The following ATP2B1 variants were observed in gnomAD, a reference collection of about 807,000 sequenced individuals.
The protein encoded by ATP2B1 is plasma membrane calcium-transporting ATPase 1.
A neutral mutation model predicts 124.2 loss-of-function variants in ATP2B1; 14 were observed. The observed-to-expected ratio is 0.11, with a 90% confidence interval of 0.07 to 0.18. ATP2B1 has a LOEUF of 0.18. Ranked by LOEUF, ATP2B1 falls within the 10% of genes least tolerant of loss-of-function variation. ATP2B1 has a pLI of 1.00. For missense variants in ATP2B1, 763 were observed against 1,466.1 expected, an observed-to-expected ratio of 0.52 and a Z score of 7.83; for synonymous variants, 449 against 492.4, an observed-to-expected ratio of 0.91 and a Z score of 1.17.
chr12:89,681,984 T>A (rs551997518), intron 1 of ATP2B1, among the ~76,000 whole-genome samples: 1 of 152,120 alleles, frequency 6.6e-6, no homozygotes, highest in Non-Finnish European at 1.5e-5. Context: ...GATGACATAA[T>A]AGTAGACCTT....
At chr12:89,592,796 C>T (rs926507964) in intron 20 of ATP2B1, among the ~76,000 whole-genome samples, 1 of 152,002 alleles carries the variant, frequency 6.6e-6, no homozygotes, top group African/African-American at 2.4e-5. Context: ...TCACAAGTAT[C>T]GAGGCCAGGG....
chr12:89,617,620 C>T (rs950264247), intron 11 of ATP2B1, among the ~76,000 whole-genome samples: 1 of 152,122 alleles, frequency 6.6e-6, no homozygotes, highest in African/African-American at 2.4e-5. Flanking sequence ...AAAAATCATA[C>T]TATATACCTA....
rs961521041 is a variant in ATP2B1 at position 89,624,474 on chromosome 12, A to C, written c.1130-77T>G. 5.9e-6 allele frequency: 7 copies of C among 1,189,496 alleles called. No homozygotes were observed. In the South Asian group the frequency reaches 8.9e-5, roughly 15 times the overall value. The allele number at this position is 1,189,496 out of a possible 1,614,324, so 73.7% of individuals were successfully genotyped here. ...AACCCTTGCCAGATATAAATTAAACACTGTAAAGAGTTATAACTTGCTTGA... is the reference window on the plus strand; with the variant it reads ...AACCCTTGCCAGATATAAATTAAACCCTGTAAAGAGTTATAACTTGCTTGA... On this transcript the variant is annotated intron_variant, in intron 8 of 20. Coordinates refer to ENST00000428670, the MANE Select transcript of ATP2B1 (RefSeq NM_001366521.1).
chr12:89,672,598 C>G (rs1888133164), intron 1 of ATP2B1, among the ~76,000 whole-genome samples: 1 of 152,138 alleles, frequency 6.6e-6, no homozygotes, highest in South Asian at 2.1e-4. Flanking sequence ...TCTTGCCTTC[C>G]GTGTACAATT....
chr12:89,604,185 A>C lies in ATP2B1; in HGVS notation c.2604T>G (p.Ile868Met). ...FQLTVNVVAVIVAFTGACITQ... is the reference protein window; with the variant it reads ...FQLTVNVVAVMVAFTGACITQ... Reference sequence around the variant, plus strand: ...TAATGCAGGCGCCCGTAAAAGCAACAATCACTGCTACTACATTAACAGTAA... The same window carrying C: ...TAATGCAGGCGCCCGTAAAAGCAACCATCACTGCTACTACATTAACAGTAA... Residue 868 changes from isoleucine (I) to methionine (M), a missense_variant, in exon 16 of 21, where the codon ATT (isoleucine) becomes ATG (methionine). By Grantham distance (10) the Ile-to-Met change is conservative. Around this residue, in one of 7 missense-constraint regions of ATP2B1, gnomAD observed 51 missense variants for 192.8 expected, o/e 0.26. Transcript: ENST00000428670. 1 of 1,613,978 alleles carries C rather than the reference A, an allele frequency of 6.2e-7. No individual in the cohort carries two copies. The highest frequency in any genetic ancestry group is 8.5e-7 in the Non-Finnish European group (1 of 1,179,974).
chr12:89,685,353 C>G (rs1040660454), intron 1 of ATP2B1, among the ~76,000 whole-genome samples: 1 of 152,198 alleles, frequency 6.6e-6, no homozygotes, highest in Admixed American at 6.6e-5. Flanking sequence ...AACATGTCCA[C>G]TGTGTCTTCT....
chr12:89,700,217 G>A (rs537432088), intron 1 of ATP2B1, among the ~76,000 whole-genome samples: 77 of 152,086 alleles, frequency 5.1e-4, no homozygotes, highest in Non-Finnish European at 8.7e-4. Context: ...GTTGACTGAC[G>A]AATCCTTGTT....
At chr12:89,629,468 A>T (rs947243298) in intron 6 of ATP2B1, among the ~76,000 whole-genome samples, 8 of 152,196 alleles carry the variant, frequency 5.3e-5, no homozygotes, top group African/African-American at 1.7e-4. Context: ...TGCTTCAAGG[A>T]GGACATAGAA....
At chr12:89,656,302 C>T (rs1366795537) in intron 1 of ATP2B1, among the ~76,000 whole-genome samples, 195 bp from the exon 2 acceptor site, 1 of 152,172 alleles carries the variant, frequency 6.6e-6, no homozygotes, top group African/African-American at 2.4e-5. Context: ...TAAAACTGTA[C>T]ATCAGAAGAC....
At chr12:89,689,049 C>CT (rs1325023663) in intron 1 of ATP2B1, among the ~76,000 whole-genome samples, 2 of 152,048 alleles carry the variant, frequency 1.3e-5, no homozygotes, top group African/African-American at 4.8e-5. Context: ...TCACTGACTT[C>CT]AGTGAATCTA....
intron 11 of ATP2B1, among the ~76,000 whole-genome samples, chr12:89,619,731 A>T (rs1487889633): frequency 6.6e-6 from 1 of 152,168 alleles, no homozygotes; most frequent in Admixed American, 6.6e-5. Context: ...AAAAATAAAC[A>T]TCAAAGTATA....
chr12:89,690,172 A>G (rs1890397773), intron 1 of ATP2B1, among the ~76,000 whole-genome samples: 1 of 152,106 alleles, frequency 6.6e-6, no homozygotes, highest in Non-Finnish European at 1.5e-5. Context: ...ATACCAGAAC[A>G]TATATAGCCT....
At chr12:89,631,135 T>C (rs932821665) in intron 5 of ATP2B1, among the ~76,000 whole-genome samples, 1 of 152,282 alleles carries the variant, frequency 6.6e-6, no homozygotes, top group Middle Eastern at 3.4e-3. Context: ...GTTTTAACTC[T>C]AATCAGTCAT....
chr12:89,599,391 A>G, intron 19 of ATP2B1, 92 bp from the exon 20 acceptor site: 1 of 1,347,372 alleles, frequency 7.4e-7, no homozygotes, highest in Non-Finnish European at 1.0e-6. Flanking sequence ...AAGTGGTGAG[A>G]GTATCCGACT....
intron 12 of ATP2B1, 102 bp downstream of exon 12, chr12:89,616,700 C>A: frequency 6.2e-6 from 7 of 1,127,768 alleles, no homozygotes; most frequent in South Asian, 1.6e-5. Flanking sequence ...AAAAAAAAAT[C>A]ACAAACACCA....
chr12:89,665,013 T>G (rs894895413), intron 1 of ATP2B1, among the ~76,000 whole-genome samples: 12 of 152,108 alleles, frequency 7.9e-5, no homozygotes, highest in Non-Finnish European at 8.8e-5. Flanking sequence ...GTATTTTTAG[T>G]AGAGATGGGG....
At chr12:89,690,149 T>C (rs1592986524) in intron 1 of ATP2B1, among the ~76,000 whole-genome samples, 1 of 152,112 alleles carries the variant, frequency 6.6e-6, no homozygotes, top group Non-Finnish European at 1.5e-5. Context: ...CAATAACAGA[T>C]ATTTCAAAAT....
chr12:89,673,497 TA>T (rs940102922), intron 1 of ATP2B1, among the ~76,000 whole-genome samples: 3 of 152,190 alleles, frequency 2.0e-5, no homozygotes, highest in Non-Finnish European at 4.4e-5. Context: ...CTATTCCCTC[TA>T]AACCACAAAA....
intron 1 of ATP2B1, among the ~76,000 whole-genome samples, chr12:89,684,051 T>A (rs903244926): frequency 4.4e-4 from 67 of 152,232 alleles, no homozygotes; most frequent in African/African-American, 1.6e-3. Context: ...TTCCAAGATA[T>A]ATCCATTAGG....
Sources: allele counts gnomAD v4.1 joint callset (sites outside exome capture counted in the v4.1 genomes callset), GRCh38; gene constraint gnomAD v4.1.1; regional missense constraint gnomAD v4.1.1; transcripts MANE v1.5; gene names NCBI Gene and HGNC (gene_info 2026-07-23, HGNC 2026-07-21).